DCDC2: variants seen among roughly 807,000 people sequenced by gnomAD.
The protein encoded by DCDC2 is doublecortin domain containing 2.
A neutral mutation model predicts 50.2 loss-of-function variants in DCDC2; 40 were observed. The observed-to-expected ratio is 0.80, with a 90% CI of 0.62 to 1.04. DCDC2 has a LOEUF of 1.04. Among genes scored for constraint, DCDC2 ranks in the 50% least tolerant of loss-of-function variants. The probability of loss-of-function intolerance (pLI) is 0.00; values close to 1 mark genes in which losing one functional copy is unlikely to be tolerated. For synonymous variants in DCDC2, 234 were observed against 210.6 expected (o/e 1.11, Z -0.96); for missense variants, 570 against 581.9 (o/e 0.98, Z 0.21).
chr6:24,231,602 TG>T (rs772504840), intron 7 of DCDC2, among the ~76,000 whole-genome samples: 8 of 152,110 alleles, frequency 5.3e-5, no homozygotes, highest in Non-Finnish European at 1.2e-4. Context: ...GCCTGCCTTT[TG>T]TCAATACTTA....
At chr6:24,370,840 A>G in the DCDC2 span, among the ~76,000 whole-genome samples, 3 of 152,236 alleles carry the variant, frequency 2.0e-5, no homozygotes, top group Non-Finnish European at 4.4e-5. Context: ...AAGTAGAAAC[A>G]ACTCATGTGT....
At chr6:24,351,534 T>G (rs1295410873) in intron 2 of DCDC2, among the ~76,000 whole-genome samples, 4 of 152,042 alleles carry the variant, frequency 2.6e-5, no homozygotes, top group African/African-American at 9.7e-5. Flanking sequence ...GGGTAAGGAC[T>G]GAGAAGAAAT....
chr6:24,345,941 A>G (rs1760245995), intron 2 of DCDC2, among the ~76,000 whole-genome samples: 1 of 152,158 alleles, frequency 6.6e-6, no homozygotes, highest in Non-Finnish European at 1.5e-5. Context: ...GCACTTTGGG[A>G]GGCCGAGCAG....
At chr6:24,359,117 ATATATAT>A (rs1189489051), upstream of DCDC2, among the ~76,000 whole-genome samples, 731 of 45,956 alleles carry the variant, frequency 0.016, 40 homozygotes, top group African/African-American at 0.088. Context: ...ATTATATATT[ATATATAT>A]TATATATTTT....
At chr6:24,353,484 A>G in intron 2 of DCDC2, 85 bp downstream of exon 2, 1 of 799,526 alleles carries the variant, frequency 1.3e-6, no homozygotes, top group South Asian at 1.6e-5. Context: ...ATCAAAGTAG[A>G]ATGCCGTCCA....
Position 24,357,498 on chromosome 6 carries a change from TG to T in DCDC2, c.252del (p.Asn85IlefsTer18). On this transcript the variant is annotated frameshift_variant, in exon 1 of 10. Transcript: ENST00000378454. LOFTEE classifies it high-confidence loss of function. ...IRKLDQIQSG[G>X]NYVAGGQEAF... ...GCTTCCTGGCCTCCAGCCACGTAAT[TG>T]CCCCCGCTCTGGATCTGGTCTAGCT... 1 of 1,610,816 alleles carries T rather than the reference TG, an allele frequency of 6.2e-7. No individual in the cohort carries two copies. The highest frequency in any genetic ancestry group is 8.5e-7 in the Non-Finnish European group (1 of 1,178,158).
At chr6:24,240,318 G>A (rs1194625160) in intron 7 of DCDC2, among the ~76,000 whole-genome samples, 1 of 152,130 alleles carries the variant, frequency 6.6e-6, no homozygotes, top group African/African-American at 2.4e-5. Context: ...GAAGAGGCTG[G>A]AGTATTAATT....
chr6:24,313,985 C>A (rs546992033), intron 2 of DCDC2, among the ~76,000 whole-genome samples: 175 of 152,228 alleles, frequency 1.1e-3, no homozygotes, highest in Admixed American at 3.0e-3. Flanking sequence ...CAGCTCCTAG[C>A]CCTAGAAGCG....
chr6:24,291,647 G>A (rs994882074), intron 4 of DCDC2, among the ~76,000 whole-genome samples: 10 of 151,420 alleles, frequency 6.6e-5, no homozygotes, highest in East Asian at 1.9e-4. Flanking sequence ...CACTACGCCC[G>A]GCTAATTTTT....
chr6:24,271,258 A>T (rs948761754), intron 7 of DCDC2, among the ~76,000 whole-genome samples: 7 of 151,324 alleles, frequency 4.6e-5, no homozygotes, highest in African/African-American at 9.7e-5. Context: ...GAAAAAAAAG[A>T]AAAAAAGAGA....
chr6:24,380,184 T>TATA, the DCDC2 span, among the ~76,000 whole-genome samples: 2 of 151,908 alleles, frequency 1.3e-5, no homozygotes, highest in Non-Finnish European at 2.9e-5. Flanking sequence ...GAACTTAAAG[T>TATA]ATAATAATAA....
intron 6 of DCDC2, among the ~76,000 whole-genome samples, chr6:24,278,883 G>A (rs757768159): frequency 3.3e-5 from 5 of 152,084 alleles, no homozygotes; most frequent in East Asian, 3.9e-4. Flanking sequence ...TCTAAGAATC[G>A]CAAATCCAGA....
chr6:24,306,678 T>C (rs1052737235), intron 2 of DCDC2, among the ~76,000 whole-genome samples: 1 of 152,206 alleles, frequency 6.6e-6, no homozygotes, highest in African/African-American at 2.4e-5. Flanking sequence ...GTGCAGAATT[T>C]GGATACAAAT....
intron 6 of DCDC2, among the ~76,000 whole-genome samples, chr6:24,281,508 A>G (rs932273705): frequency 3.4e-5 from 5 of 148,598 alleles, no homozygotes; most frequent in Non-Finnish European, 5.9e-5. Flanking sequence ...AAAAAAAAAA[A>G]AGGAGGGTGA....
rs1406850202 is a variant in DCDC2 at position 24,355,390 on chromosome 6, C to T, written c.294-1767G>A. Among the ~76,000 whole-genome samples the T allele has an allele frequency of 1.1e-4, 17 of 151,860 alleles. No individual in the cohort carries two copies. The East Asian group carries it at 1.5e-3, about 14-fold the overall frequency. On this transcript the variant is annotated intron_variant, in intron 1 of 9. Coordinates refer to ENST00000378454, the MANE Select transcript of DCDC2 (RefSeq NM_016356.5). ...ATTCTGAACCAGACTTTCATTTCCACGAAATTGCTTTAGACGGAAATATTT... is the reference window on the plus strand; with the variant it reads ...ATTCTGAACCAGACTTTCATTTCCATGAAATTGCTTTAGACGGAAATATTT...
chr6:24,323,472 A>C (rs1311067251), intron 2 of DCDC2, among the ~76,000 whole-genome samples: 2 of 152,084 alleles, frequency 1.3e-5, no homozygotes, highest in Non-Finnish European at 2.9e-5. Flanking sequence ...AGTGTTGATA[A>C]CTATGCTATG....
upstream of DCDC2, among the ~76,000 whole-genome samples, chr6:24,360,780 C>G (rs189399976): frequency 2.4e-4 from 37 of 152,192 alleles, no homozygotes; most frequent in Non-Finnish European, 4.3e-4. Flanking sequence ...TAATTGAACA[C>G]TATAACCATG....
intron 7 of DCDC2, among the ~76,000 whole-genome samples, chr6:24,272,397 T>C (rs1000458064): frequency 6.6e-6 from 1 of 152,166 alleles, no homozygotes; most frequent in African/African-American, 2.4e-5. Context: ...ATCTGACCCA[T>C]ATATCCCACA....
chr6:24,173,623 TATA>T lies in DCDC2; in HGVS notation c.*1104_*1106del, dbSNP rs532519482. ...GTTGTGATTCAGGAATTGGTTTCAT[TATA>T]ATAACTTCTAAAGTTTTACAATTTC... On this transcript the variant is annotated 3_prime_UTR_variant, in exon 10 of 10. Coordinates refer to ENST00000378454, the MANE Select transcript of DCDC2 (RefSeq NM_016356.5). 7.2e-5 allele frequency: 11 copies of T among 152,338 alleles called. No homozygotes were observed. In the South Asian group the frequency reaches 2.1e-3, roughly 29 times the overall value. 9.4% of individuals were successfully genotyped at this position (152,338 alleles called of 1,614,324 possible).
Sources: gnomAD v4.1 joint callset for allele counts (sites outside exome capture counted in the v4.1 genomes callset) on GRCh38, gnomAD v4.1.1 for gene constraint, MANE v1.5 for transcripts, NCBI Gene and HGNC (gene_info 2026-07-23, HGNC 2026-07-21) for gene names.